The following LGALS8 variants were observed in gnomAD, a reference collection of about 807,000 sequenced individuals.
The protein encoded by LGALS8 is galectin-8.
Under a neutral mutation model 35.9 loss-of-function variants are expected in LGALS8, and 30 were observed. The ratio of observed to expected loss-of-function variants is 0.83; its 90% CI spans 0.62 to 1.13. LGALS8 has a LOEUF of 1.13. LGALS8 is among the 50% of genes most tolerant of loss of function. LGALS8 has a pLI of 0.00. For synonymous variants in LGALS8, 138 were observed against 136.1 expected, an observed-to-expected ratio of 1.01 and a Z score of -0.10; for missense variants, 366 against 388.7, an observed-to-expected ratio of 0.94 and a Z score of 0.49.
intron 9 of LGALS8, among the ~76,000 whole-genome samples, chr1:236,546,100 A>G (rs1196683641): frequency 6.6e-6 from 1 of 152,220 alleles, no homozygotes; most frequent in African/African-American, 2.4e-5. Context: ...ACATTCAAAT[A>G]ATGCTGAAAA....
In LGALS8 at chr1:236,540,597, G is replaced by A. The variant is rs1661926815; in HGVS notation, c.379G>A (p.Gly127Ser). The A allele has an allele frequency of 6.2e-7, 1 of 1,610,312 alleles. No individual in the cohort carries two copies. Among genetic ancestry groups the A allele is most frequent in the Non-Finnish European group, 8.5e-7 (1 of 1,178,442 alleles). The part of the protein sequence containing the change: ...AVNGKHTLLY[G>S]HRIGPEKIDT... Reference sequence around the variant, plus strand: ...AAATGGAAAACATACTCTGCTCTATGGCCACAGGATCGGCCCAGAGAAAAT... The same window carrying A: ...AAATGGAAAACATACTCTGCTCTATAGCCACAGGATCGGCCCAGAGAAAAT... Residue 127 changes from glycine to serine, a missense_variant, in exon 5 of 10, where the codon GGC becomes AGC. Transcript: ENST00000366584.
chr1:236,543,673 C>T (rs757272596), intron 8 of LGALS8, 25 bp downstream of exon 8: 1 of 1,537,742 alleles, frequency 6.5e-7, no homozygotes, highest in Non-Finnish European at 9.0e-7. Flanking sequence ...GTACCAGTCA[C>T]AGTGCAGATA....
rs748903503 is a variant in LGALS8, at chr1:236,552,051, A to T, written c.*3890A>T. 4 of 1,613,732 alleles carry T rather than the reference A, an allele frequency of 2.5e-6. No homozygotes were observed. The South Asian group carries it at 4.4e-5, about 18-fold the overall frequency. On this transcript the variant is annotated 3_prime_UTR_variant, in exon 10 of 10. Coordinates refer to ENST00000366584, the MANE Select transcript of LGALS8 (RefSeq NM_201544.4). ...TGGATTCTGGTAGCAAGACAATATAATTCTCCTTTAGTTTTTCAGCCAGTG... is the reference window on the plus strand; with the variant it reads ...TGGATTCTGGTAGCAAGACAATATATTTCTCCTTTAGTTTTTCAGCCAGTG...
intron 2 of LGALS8, among the ~76,000 whole-genome samples, chr1:236,534,557 T>C (rs1046006252): frequency 6.6e-5 from 10 of 151,382 alleles, no homozygotes; most frequent in African/African-American, 2.2e-4. Context: ...AGAAGCCACA[T>C]AGTCGTGGGT....
In LGALS8 at chr1:236,527,120, T is replaced by TAACAAC. The variant is rs3834090; in HGVS notation, c.45+1020_45+1025dup. ...GTAAACTGATTTCCTGCAAAGATCT[T>TAACAAC]AACAACAACAACAACAACAAACTAG... On this transcript the variant is annotated intron_variant, in intron 2 of 9. Transcript: ENST00000366584. 1.8e-3 allele frequency among the ~76,000 whole-genome samples: 267 copies of TAACAAC among 151,486 alleles called. 1 individual carries two copies. The highest frequency in any genetic ancestry group is 3.1e-3 in the East Asian group (16 of 5,142).
rs1042959848 is a variant in LGALS8, at chr1:236,548,239, T to G, written c.*78T>G. The G allele has an allele frequency of 4.8e-6, 6 of 1,251,084 alleles. No homozygotes were observed. The African/African-American group carries it at 6.0e-5, about 13-fold the overall frequency. The allele number at this position is 1,251,084 out of a possible 1,614,324, so 77.5% of individuals were successfully genotyped here. On this transcript the variant is annotated 3_prime_UTR_variant, in exon 10 of 10. Coordinates refer to ENST00000366584, the MANE Select transcript of LGALS8 (RefSeq NM_201544.4). ...CTGGCCTTGCTGAAACGCATCTCACTGTCATTCTATTGTTTATATTGTTAA... is the reference window on the plus strand; with the variant it reads ...CTGGCCTTGCTGAAACGCATCTCACGGTCATTCTATTGTTTATATTGTTAA...
upstream of LGALS8, among the ~76,000 whole-genome samples, chr1:236,519,896 T>A (rs898681853): frequency 3.3e-5 from 5 of 151,810 alleles, no homozygotes; most frequent in Non-Finnish European, 7.4e-5. Flanking sequence ...AGCATTTTTT[T>A]AAAATGAAAA....
In LGALS8 at chr1:236,526,475, A is replaced by AGCTGTCCAT. The variant is rs144467743; in HGVS notation, c.45+362_45+370dup. On this transcript the variant is annotated intron_variant, in intron 2 of 9. Transcript: ENST00000366584. This position sits in a 1 kb window ranked among gnomAD's most constrained non-coding sequence, Gnocchi z 4.6. Reference sequence around the variant, plus strand: ...GTTTTTCATTTTCTTTTTTAATTAGAGCTGTCCATGAGAAGTTAATGTCTC... The same window carrying AGCTGTCCAT: ...GTTTTTCATTTTCTTTTTTAATTAGAGCTGTCCATGCTGTCCATGAGAAGTTAATGTCTC... The AGCTGTCCAT allele has an allele frequency of 6.0e-3, 1,076 of 178,456 alleles. 8 individuals are homozygous for AGCTGTCCAT. Among genetic ancestry groups the AGCTGTCCAT allele is most frequent in the African/African-American group, 0.024 (1,037 of 42,492 alleles). 11.1% of individuals were successfully genotyped at this position (178,456 alleles called of 1,614,324 possible).
At position 236,549,779 on chromosome 1, in the gene LGALS8, T is replaced by C. The variant is rs1379765318; in HGVS notation, c.*1618T>C. ...TTAGGAAAAAAATAGCCCACTCACA[T>C]CATTCCTTGTAAGTCTTAAGTTCAT... On this transcript the variant is annotated 3_prime_UTR_variant, in exon 10 of 10. Coordinates refer to ENST00000366584, the MANE Select transcript of LGALS8 (RefSeq NM_201544.4). The C allele has an allele frequency of 6.6e-6, 1 of 152,210 alleles. No homozygotes were observed. The highest frequency in any genetic ancestry group is 1.5e-5 in the Non-Finnish European group (1 of 68,020). 9.4% of individuals were successfully genotyped at this position (152,210 alleles called of 1,614,324 possible).
intron 6 of LGALS8, chr1:236,542,458 T>G: frequency 2.4e-6 from 1 of 414,434 alleles, no homozygotes; most frequent in African/African-American, 2.0e-5. Context: ...CCAGTGTGGA[T>G]GACAGAGTAA....
intron 2 of LGALS8, among the ~76,000 whole-genome samples, chr1:236,533,659 T>A (rs1661281157): frequency 6.6e-6 from 1 of 151,652 alleles, no homozygotes; most frequent in Non-Finnish European, 1.5e-5. Flanking sequence ...TTTAAAGATG[T>A]TGAATTGGTC....
At position 236,549,249 on chromosome 1, in the gene LGALS8, A is replaced by G. The variant is rs1384800643; in HGVS notation, c.*1088A>G. On this transcript the variant is annotated 3_prime_UTR_variant, in exon 10 of 10. Transcript: ENST00000366584. ...CTTCCACTTTACGTGATTAAAATCA[A>G]ACCTGTATCAGCAAGTTAAATGGTT... 5.8e-6 allele frequency: 2 copies of G among 346,728 alleles called. No individual in the cohort carries two copies. The highest frequency in any genetic ancestry group is 4.2e-5 in the African/African-American group (2 of 47,656). The allele number at this position is 346,728 out of a possible 1,614,324, so 21.5% of individuals were successfully genotyped here. A position where few individuals can be genotyped will look rare whatever the true frequency, so the allele number is the denominator to read the frequency against.
intron 7 of LGALS8, 129 bp from the exon 8 acceptor site, chr1:236,543,431 A>G (rs1336057028): frequency 3.9e-6 from 3 of 769,294 alleles, no homozygotes; most frequent in Non-Finnish European, 6.9e-6. Flanking sequence ...ACCAAGGCAG[A>G]CTGTCTCTCC....
At chr1:236,544,647 G>A in intron 8 of LGALS8, 103 bp from the exon 9 acceptor site, 7 of 852,874 alleles carry the variant, frequency 8.2e-6, no homozygotes, top group Non-Finnish European at 1.1e-5. Flanking sequence ...GTTTCATAGA[G>A]TTAGAATCAT....
At chr1:236,540,808 T>C in intron 5 of LGALS8, 125 bp downstream of exon 5, 2 of 1,034,716 alleles carry the variant, frequency 1.9e-6, no homozygotes, top group Non-Finnish European at 2.7e-6. Context: ...GTAGTATTAA[T>C]TTTTTGGAAG....
chr1:236,533,974 C>T (rs1661307951), intron 2 of LGALS8, among the ~76,000 whole-genome samples: 1 of 152,220 alleles, frequency 6.6e-6, no homozygotes, highest in Non-Finnish European at 1.5e-5. Context: ...CTGCCCCTGA[C>T]CCCGGATGTA....
chr1:236,552,215 C>A lies in LGALS8; in HGVS notation c.*4054C>A. On this transcript the variant is annotated 3_prime_UTR_variant, in exon 10 of 10. Transcript: ENST00000366584. ...CTCTAACTTTTTAAACATTAGTTCA[C>A]ATGCGTTTATTCACTTCATTATGTT... 1.4e-6 allele frequency: 1 copy of A among 700,812 alleles called. No individual in the cohort carries two copies. Among genetic ancestry groups the A allele is most frequent in the South Asian group, 1.8e-5 (1 of 54,836 alleles). 43.4% of individuals were successfully genotyped at this position (700,812 alleles called of 1,614,324 possible).
In LGALS8 at chr1:236,538,927, T is replaced by C. The variant is rs570384192; in HGVS notation, c.183T>C (p.Asp61=). Residue 61 remains aspartate, a synonymous_variant, in exon 4 of 10, where the codon GAT becomes GAC. Transcript: ENST00000366584. ...QNGSSMKPRA[D]VAFHFNPRFK... is the part of the protein sequence containing the mutation. ...GCAGCAGCATGAAACCTCGAGCCGA[T>C]GTGGCCTTTCATTTCAATCCTCGTT... The C allele has an allele frequency of 2.5e-6, 4 of 1,613,758 alleles. No individual in the cohort carries two copies. Among genetic ancestry groups the C allele is most frequent in the East Asian group, 2.2e-5 (1 of 44,880 alleles).
At chr1:236,542,419 G>A (rs943718743) in intron 6 of LGALS8, 2 of 311,810 alleles carry the variant, frequency 6.4e-6, no homozygotes, top group Non-Finnish European at 1.2e-5. Flanking sequence ...GGTTGAGGCT[G>A]CAGTGAGCCA....
Sources: gnomAD v4.1 joint callset for allele counts (sites outside exome capture counted in the v4.1 genomes callset) on GRCh38, gnomAD v4.1.1 for gene constraint, Gnocchi (gnomAD v3.1) non-coding constraint, MANE v1.5 for transcripts, NCBI Gene and HGNC (gene_info 2026-07-23, HGNC 2026-07-21) for gene names.